Variants in TAFA5 observed in about 807,000 individuals in gnomAD.
TAFA5 encodes chemokine-like protein TAFA-5.
TAFA5 carries 6 observed loss-of-function variants against 15.3 expected under a neutral mutation model. The ratio of observed to expected loss-of-function variants is 0.39; its 90% CI spans 0.21 to 0.77. TAFA5 has a LOEUF of 0.77. Ranked by LOEUF, TAFA5 falls within the 30% of genes least tolerant of loss-of-function variation. The pLI, the probability that TAFA5 is intolerant of heterozygous loss-of-function variation, is 0.41. For synonymous variants in TAFA5, 103 were observed against 80.7 expected, an observed-to-expected ratio of 1.28 and a Z score of -1.48; for missense variants, 161 against 193.1, an observed-to-expected ratio of 0.83 and a Z score of 0.98.
At chr22:48,576,401 T>A (rs1923802292) in intron 1 of TAFA5, 1 of 1,235,680 alleles carries the variant, frequency 8.1e-7, no homozygotes. Context: ...CCGCGGAGGC[T>A]GCACCCGGCG....
intron 1 of TAFA5, among the ~76,000 whole-genome samples, chr22:48,510,977 G>A (rs774738814): frequency 2.0e-5 from 3 of 152,258 alleles, no homozygotes; most frequent in Non-Finnish European, 4.4e-5. Context: ...GAGGGAGGGA[G>A]GGGCTGGGCA....
chr22:48,654,908 C>T (rs965771672), intron 2 of TAFA5, among the ~76,000 whole-genome samples: 1 of 151,896 alleles, frequency 6.6e-6, no homozygotes, highest in East Asian at 1.9e-4. Context: ...TTCAGGAGCA[C>T]TGAGGGCTGG....
At chr22:48,496,409 C>T (rs981003608) in intron 1 of TAFA5, among the ~76,000 whole-genome samples, 2 of 152,112 alleles carry the variant, frequency 1.3e-5, no homozygotes, top group Non-Finnish European at 2.9e-5. Context: ...ACGGCATCTG[C>T]TGGGCAGTGA....
intron 1 of TAFA5, among the ~76,000 whole-genome samples, chr22:48,526,910 T>C (rs138863203): frequency 6.6e-6 from 1 of 152,366 alleles, no homozygotes; most frequent in African/African-American, 2.4e-5. Context: ...AACTGTGAGA[T>C]GGGACTGCAT....
chr22:48,575,849 C>G (rs1360589189), intron 1 of TAFA5, among the ~76,000 whole-genome samples: 4 of 141,706 alleles, frequency 2.8e-5, no homozygotes, highest in Non-Finnish European at 4.7e-5. Context: ...CGCGCAGCCC[C>G]GGCCCCGAGC....
rs371548872 is a variant in TAFA5 at position 48,539,554 on chromosome 22, A to AT, written c.112+49857dup. ...CAACTTTTCTCTTCCCACTTTCTGT[A>AT]TTTTTTTAAGAAGCTAGGAGCCCCT... On this transcript the variant is annotated intron_variant, in intron 1 of 3. Coordinates refer to ENST00000402357, the MANE Select transcript of TAFA5 (RefSeq NM_001082967.3). The AT allele has an allele frequency of 1.3e-5, 6 of 458,416 alleles. 1 individual carries two copies. Among genetic ancestry groups the AT allele is most frequent in the African/African-American group, 4.0e-5 (2 of 49,674 alleles). The allele number at this position is 458,416 out of a possible 1,614,324, so 28.4% of individuals were successfully genotyped here. A position where few individuals can be genotyped will look rare whatever the true frequency, so the allele number is the denominator to read the frequency against.
intron 1 of TAFA5, among the ~76,000 whole-genome samples, chr22:48,563,518 G>T (rs1923310013): frequency 6.6e-6 from 1 of 152,188 alleles, no homozygotes; most frequent in Non-Finnish European, 1.5e-5. Flanking sequence ...TCTCTATATG[G>T]GAAGAGGGGC....
In TAFA5 at chr22:48,560,025, T is replaced by A. The variant is rs534179811; in HGVS notation, c.112+70321T>A. On this transcript the variant is annotated intron_variant, in intron 1 of 3. Transcript: ENST00000402357. This position sits in a 1 kb window ranked among gnomAD's most constrained non-coding sequence, Gnocchi z 4.2. ...GGTCTGGGCAGGAGTGACTGCAGGG[T>A]CTTCTTTCTATGCACACGCCGGCCA... 6.6e-6 allele frequency among the ~76,000 whole-genome samples: 1 copy of A among 152,128 alleles called. No individual in the cohort carries two copies. Among genetic ancestry groups the A allele is most frequent in the African/African-American group, 2.4e-5 (1 of 41,492 alleles).
intron 1 of TAFA5, among the ~76,000 whole-genome samples, chr22:48,608,612 C>T (rs915627703): frequency 6.6e-6 from 1 of 152,144 alleles, no homozygotes; most frequent in Non-Finnish European, 1.5e-5. Flanking sequence ...TCCTGCTGAC[C>T]GTGATGGTGG....
intron 1 of TAFA5, among the ~76,000 whole-genome samples, chr22:48,618,601 C>G (rs1389165089): frequency 1.3e-5 from 2 of 152,018 alleles, no homozygotes; most frequent in African/African-American, 4.8e-5. Flanking sequence ...CACAGTGGGC[C>G]CTTGCTATCT....
intron 1 of TAFA5, among the ~76,000 whole-genome samples, chr22:48,531,049 G>A (rs954119207): frequency 3.3e-5 from 5 of 152,184 alleles, no homozygotes; most frequent in Admixed American, 1.3e-4. Context: ...TGTGTGGACC[G>A]TCTCAGGGAA....
At chr22:48,708,156 C>G (rs1348799733) in intron 3 of TAFA5, among the ~76,000 whole-genome samples, 1 of 152,214 alleles carries the variant, frequency 6.6e-6, no homozygotes, top group East Asian at 1.9e-4. Flanking sequence ...CGTCTTGTTT[C>G]CGGGACTGAT....
chr22:48,587,944 C>A (rs1028642883), intron 1 of TAFA5, among the ~76,000 whole-genome samples: 1 of 152,216 alleles, frequency 6.6e-6, no homozygotes, highest in Non-Finnish European at 1.5e-5. Context: ...TCTCAGTCCC[C>A]GCACTTTCCC....
intron 1 of TAFA5, among the ~76,000 whole-genome samples, chr22:48,633,518 CTG>C (rs1387279785): frequency 0.052 from 4,892 of 94,638 alleles, 138 homozygotes; most frequent in Non-Finnish European, 0.068. Context: ...GTCTGTCTGT[CTG>C]TCTGTCTGTC....
chr22:48,601,124 C>G (rs1924954882), intron 1 of TAFA5, among the ~76,000 whole-genome samples: 1 of 152,210 alleles, frequency 6.6e-6, no homozygotes, highest in Non-Finnish European at 1.5e-5. Flanking sequence ...TGTTTGATTA[C>G]TAGTTATTGC....
At chr22:48,741,004 T>C (rs1384591502) in intron 3 of TAFA5, among the ~76,000 whole-genome samples, 1 of 152,080 alleles carries the variant, frequency 6.6e-6, no homozygotes, top group Non-Finnish European at 1.5e-5. Flanking sequence ...CTGTAGGAAG[T>C]GGAGACCCAA....
rs115584308 is a variant in TAFA5 at position 48,580,180 on chromosome 22, A to G, written c.113-66417A>G. 2.3e-3 allele frequency among the ~76,000 whole-genome samples: 349 copies of G among 152,300 alleles called. 2 individuals are homozygous for G. Among genetic ancestry groups the G allele is most frequent in the African/African-American group, 8.0e-3 (334 of 41,576 alleles). On this transcript the variant is annotated intron_variant, in intron 1 of 3. Transcript: ENST00000402357. ...GATTGAGTCAACGGATTCAACTTCC[A>G]TTGATTTAGTTAGCTGGCTCTTTCG...
intron 3 of TAFA5, among the ~76,000 whole-genome samples, chr22:48,734,365 C>T (rs1929950401): frequency 6.6e-6 from 1 of 152,200 alleles, no homozygotes; most frequent in Non-Finnish European, 1.5e-5. Flanking sequence ...AGATTTGAAT[C>T]CAGTTTCCCA....
chr22:48,545,199 C>T (rs941824673), intron 1 of TAFA5: 35 of 297,042 alleles, frequency 1.2e-4, no homozygotes, highest in Non-Finnish European at 2.1e-4. Context: ...TCAGTCTTTC[C>T]GCCACTCACT....
Sources: gnomAD v4.1 joint callset for allele counts (sites outside exome capture counted in the v4.1 genomes callset) on GRCh38, gnomAD v4.1.1 for gene constraint, Gnocchi (gnomAD v3.1) non-coding constraint, MANE v1.5 for transcripts, NCBI Gene and HGNC (gene_info 2026-07-23, HGNC 2026-07-21) for gene names.